Variants in KIAA0825 observed in about 807,000 individuals in gnomAD.
The protein encoded by KIAA0825 is KIAA0825, also known as uncharacterized protein KIAA0825.
Under a neutral mutation model 147.6 loss-of-function variants are expected in KIAA0825, and 119 were observed. That is an observed-to-expected ratio of 0.81 (90% CI 0.69 to 0.94). The LOEUF (loss-of-function observed/expected upper bound fraction) is 0.94, where lower values mean the gene tolerates loss of function less well. Among genes scored for constraint, KIAA0825 ranks in the 40% least tolerant of loss-of-function variants. The pLI is 0.00. For synonymous variants in KIAA0825, 470 were observed against 518.1 expected (o/e 0.91, Z 1.26); for missense variants, 1,381 against 1,472.7 (o/e 0.94, Z 1.02).
At chr5:94,195,373 C>G (rs1771036496) in intron 20 of KIAA0825, among the ~76,000 whole-genome samples, 1 of 152,098 alleles carries the variant, frequency 6.6e-6, no homozygotes, top group African/African-American at 2.4e-5. Flanking sequence ...ATAATTACCA[C>G]AAATTTAAAA....
At chr5:94,172,607 T>C (rs1768727468) in intron 20 of KIAA0825, among the ~76,000 whole-genome samples, 2 of 152,194 alleles carry the variant, frequency 1.3e-5, no homozygotes, top group Non-Finnish European at 1.5e-5. Context: ...TCTGGCAATA[T>C]ATAGAGAGCA....
intron 20 of KIAA0825, among the ~76,000 whole-genome samples, chr5:94,327,033 T>C (rs1670678066): frequency 6.6e-6 from 1 of 152,168 alleles, no homozygotes. Flanking sequence ...AAAAGAATTA[T>C]GCTAAGTGGT....
At chr5:94,474,829 A>T (rs1054375852) in intron 7 of KIAA0825, among the ~76,000 whole-genome samples, 1 of 152,168 alleles carries the variant, frequency 6.6e-6, no homozygotes. Flanking sequence ...AAATCATGCC[A>T]GTAATCCCAG....
At chr5:94,292,512 TATTTTATTGAGG>T (rs1279600810) in intron 20 of KIAA0825, among the ~76,000 whole-genome samples, 5 of 152,196 alleles carry the variant, frequency 3.3e-5, no homozygotes, top group East Asian at 3.8e-4. Flanking sequence ...AGTTTGCAAG[TATTTTATTGAGG>T]ATTTTATTGA....
Position 94,524,054 on chromosome 5 carries a change from T to C in KIAA0825, c.176A>G (p.Gln59Arg), listed in dbSNP as rs1158231743. Residue 59 changes from glutamine to arginine, a missense_variant, in exon 4 of 21, where the codon CAA becomes CGA. Transcript: ENST00000682413. ...IKEIQSEINK[Q>R]CPGVQLQTTT... ...TGTTTGCAGCTGCACACCTGGACAT[T>C]GTTTGTTAATTTCGGACTGTATCTC... 6.2e-7 allele frequency: 1 copy of C among 1,609,646 alleles called. No individual in the cohort carries two copies.
chr5:94,226,966 A>C (rs1405091449), intron 20 of KIAA0825, among the ~76,000 whole-genome samples: 1 of 152,228 alleles, frequency 6.6e-6, no homozygotes, highest in Non-Finnish European at 1.5e-5. Context: ...AAACTAGTTC[A>C]ACCCTTGTGG....
chr5:94,554,157 A>T (rs1216057469), intron 2 of KIAA0825, among the ~76,000 whole-genome samples: 1 of 152,186 alleles, frequency 6.6e-6, no homozygotes, highest in African/African-American at 2.4e-5. Flanking sequence ...GCTCCATAAA[A>T]TATTCTATGA....
intron 20 of KIAA0825, among the ~76,000 whole-genome samples, chr5:94,343,840 G>C (rs1024613575): frequency 2.0e-4 from 31 of 151,988 alleles, no homozygotes; most frequent in Admixed American, 2.0e-3. Flanking sequence ...AGAATCCATA[G>C]AAAAAATAGG....
intron 2 of KIAA0825, among the ~76,000 whole-genome samples, chr5:94,560,306 T>C (rs1777320686): frequency 2.6e-5 from 4 of 152,198 alleles, no homozygotes. Flanking sequence ...TGTCAGTAAT[T>C]ATTTTCAGCA....
At chr5:94,231,633 G>C (rs982209127) in intron 20 of KIAA0825, among the ~76,000 whole-genome samples, 2 of 152,032 alleles carry the variant, frequency 1.3e-5, no homozygotes, top group Non-Finnish European at 2.9e-5. Context: ...AATTGTTGCT[G>C]ATCTTTGGTT....
intron 20 of KIAA0825, among the ~76,000 whole-genome samples, chr5:94,243,665 AG>A (rs1348734099): frequency 6.6e-6 from 1 of 152,154 alleles, no homozygotes; most frequent in Non-Finnish European, 1.5e-5. Context: ...ATAAAATCTT[AG>A]AGTGTTTCGA....
At chr5:94,227,435 A>C (rs1057453131) in intron 20 of KIAA0825, among the ~76,000 whole-genome samples, 1 of 152,050 alleles carries the variant, frequency 6.6e-6, no homozygotes, top group Non-Finnish European at 1.5e-5. Flanking sequence ...TTTAGGAGAT[A>C]TACTTAATGC....
intron 20 of KIAA0825, among the ~76,000 whole-genome samples, chr5:94,265,077 C>T (rs1583986267): frequency 6.6e-6 from 1 of 152,214 alleles, no homozygotes; most frequent in East Asian, 1.9e-4. Context: ...GCCACTGTGC[C>T]CGGTCCATAC....
chr5:94,330,194 G>A (rs974473497), intron 20 of KIAA0825, among the ~76,000 whole-genome samples: 2 of 152,108 alleles, frequency 1.3e-5, no homozygotes, highest in Non-Finnish European at 2.9e-5. Context: ...CACAAAACCA[G>A]CAAGGACATA....
intron 5 of KIAA0825, among the ~76,000 whole-genome samples, chr5:94,506,032 C>T (rs925931837): frequency 1.3e-5 from 2 of 152,190 alleles, no homozygotes; most frequent in African/African-American, 4.8e-5. Flanking sequence ...TGGGAAAATA[C>T]TCCTTATATT....
chr5:94,486,833 C>T (rs1307165896), intron 5 of KIAA0825, among the ~76,000 whole-genome samples: 3 of 152,096 alleles, frequency 2.0e-5, no homozygotes, highest in Non-Finnish European at 4.4e-5. Context: ...CTATTTTAAC[C>T]TTCTAAACCT....
intron 20 of KIAA0825, among the ~76,000 whole-genome samples, chr5:94,343,613 C>T (rs891188823): frequency 3.3e-5 from 5 of 152,108 alleles, no homozygotes; most frequent in East Asian, 1.9e-4. Context: ...GGCGTGAACC[C>T]GGGAAGCAGA....
In KIAA0825 at chr5:94,523,929, C is replaced by T; in HGVS notation, c.300+1G>A. ...CATGATAAAATAAAAATTCATTTTACCAGTGTTTTGAAAAATTTTATCAAG... is the reference window on the plus strand; with the variant it reads ...CATGATAAAATAAAAATTCATTTTATCAGTGTTTTGAAAAATTTTATCAAG... On this transcript the variant is annotated splice_donor_variant, in intron 4 of 20. Transcript: ENST00000682413. LOFTEE classifies it high-confidence loss of function. The T allele has an allele frequency of 3.2e-6, 5 of 1,578,056 alleles. No individual in the cohort carries two copies. The highest frequency in any genetic ancestry group is 4.3e-6 in the Non-Finnish European group (5 of 1,154,630).
rs898919498 is a variant in KIAA0825 at position 94,259,715 on chromosome 5, A to G, written c.3711-105591T>C. On this transcript the variant is annotated intron_variant, in intron 20 of 20. Transcript: ENST00000682413. ...CCTTGGGAAAGATTAAATTAAGGAT[A>G]AAGTTTTACATCAGCTTCATTTTTA... Among the ~76,000 whole-genome samples, 4 of 152,020 alleles carry G rather than the reference A, an allele frequency of 2.6e-5. No individual in the cohort carries two copies. In the East Asian group the frequency reaches 7.7e-4, roughly 29 times the overall value.
Sources: gnomAD v4.1 joint callset for allele counts (sites outside exome capture counted in the v4.1 genomes callset) on GRCh38, gnomAD v4.1.1 for gene constraint, MANE v1.5 for transcripts, NCBI Gene and HGNC (gene_info 2026-07-23, HGNC 2026-07-21) for gene names.